ITGA8: variants seen among roughly 807,000 people sequenced by gnomAD.
ITGA8 encodes the protein integrin subunit alpha 8, also known as integrin alpha-8.
A neutral mutation model predicts 142.3 loss-of-function variants in ITGA8; 91 were observed. The ratio of observed to expected loss-of-function variants is 0.64; its 90% confidence interval spans 0.54 to 0.76. ITGA8 has a LOEUF of 0.76. Among genes scored for constraint, ITGA8 ranks in the 30% least tolerant of loss-of-function variants. The probability of loss-of-function intolerance (pLI) is 0.00; values close to 1 mark genes in which losing one functional copy is unlikely to be tolerated. For synonymous variants in ITGA8, 505 were observed against 485.2 expected (o/e 1.04, Z -0.54); for missense variants, 1,406 against 1,327.7 (o/e 1.06, Z -0.92).
chr10:15,691,195 G>C (rs1273380797), intron 2 of ITGA8, among the ~76,000 whole-genome samples: 1 of 152,180 alleles, frequency 6.6e-6, no homozygotes, highest in East Asian at 1.9e-4. Context: ...AAGATAACAA[G>C]TGTTGTGGAG....
At position 15,575,964 on chromosome 10, in the gene ITGA8, A is replaced by T. The variant is rs7477068; in HGVS notation, c.2373-370T>A. Reference sequence around the variant, plus strand: ...ACGTGTGTGTGTGTGTGTGTGTGTGAGTGTGTGTGTGTGTGTGTATGGGTT... The same window carrying T: ...ACGTGTGTGTGTGTGTGTGTGTGTGTGTGTGTGTGTGTGTGTGTATGGGTT... On this transcript the variant is annotated intron_variant, in intron 23 of 29. Transcript: ENST00000378076. 6.1e-3 allele frequency among the ~76,000 whole-genome samples: 870 copies of T among 142,516 alleles called. 6 individuals are homozygous for T. The highest frequency in any genetic ancestry group is 0.018 in the African/African-American group (717 of 39,330). 93.5% of individuals were successfully genotyped at this position (142,516 alleles called of 152,430 possible). A position where few individuals can be genotyped will look rare whatever the true frequency, so the allele number is the denominator to read the frequency against.
chr10:15,614,248 T>C (rs1321225944), intron 14 of ITGA8, among the ~76,000 whole-genome samples: 1 of 152,206 alleles, frequency 6.6e-6, no homozygotes, highest in Non-Finnish European at 1.5e-5. Context: ...AATTTTTAAA[T>C]TTCTGTTGAT....
intron 8 of ITGA8, among the ~76,000 whole-genome samples, chr10:15,668,126 G>A (rs978489735): frequency 2.8e-4 from 43 of 152,182 alleles, no homozygotes; most frequent in Non-Finnish European, 5.4e-4. Context: ...GGGTGTTAAA[G>A]TCTCCCATTA....
intron 2 of ITGA8, among the ~76,000 whole-genome samples, chr10:15,693,741 A>C (rs1483767870): frequency 6.6e-6 from 1 of 152,182 alleles, no homozygotes; most frequent in Non-Finnish European, 1.5e-5. Flanking sequence ...CTGAGAATAT[A>C]TTCCCCTTCT....
chr10:15,579,765 C>A (rs180733646), intron 23 of ITGA8, among the ~76,000 whole-genome samples: 1 of 152,074 alleles, frequency 6.6e-6, no homozygotes, highest in East Asian at 1.9e-4. Flanking sequence ...AAACAAGTCA[C>A]TTCCCATGAG....
chr10:15,536,282 C>T (rs1436828142), intron 27 of ITGA8, among the ~76,000 whole-genome samples: 3 of 152,056 alleles, frequency 2.0e-5, no homozygotes, highest in Non-Finnish European at 4.4e-5. Context: ...GTTTCTTCCA[C>T]CCTTGTTGGA....
Position 15,575,056 on chromosome 10 carries a change from G to A in ITGA8, c.2478+433C>T, listed in dbSNP as rs9333192. Among the ~76,000 whole-genome samples, 575 of 152,190 alleles carry A rather than the reference G, an allele frequency of 3.8e-3. 5 individuals carry two copies. Among genetic ancestry groups the A allele is most frequent in the African/African-American group, 0.013 (546 of 41,508 alleles). On this transcript the variant is annotated intron_variant, in intron 24 of 29. Coordinates refer to ENST00000378076, the MANE Select transcript of ITGA8 (RefSeq NM_003638.3). ...CCCACTACACCCCACTGCAGTATGA[G>A]AGCATAACAGCATGAACCTAGGCAG...
chr10:15,649,682 G>A (rs1024892104), intron 11 of ITGA8, among the ~76,000 whole-genome samples: 1 of 150,554 alleles, frequency 6.6e-6, no homozygotes, highest in Non-Finnish European at 1.5e-5. Context: ...TAGATGGCAA[G>A]CAAGCTTATC....
intron 23 of ITGA8, among the ~76,000 whole-genome samples, chr10:15,576,327 C>T (rs1297795179): frequency 6.6e-6 from 1 of 152,126 alleles, no homozygotes; most frequent in Non-Finnish European, 1.5e-5. Context: ...TTTCCTGCAA[C>T]GTACACCTAG....
intron 2 of ITGA8, among the ~76,000 whole-genome samples, chr10:15,689,186 G>A (rs4748194): frequency 0.78 from 118,545 of 152,142 alleles, 47,778 homozygotes; most frequent in Middle Eastern, 0.89. Flanking sequence ...ATTTACAATA[G>A]CATTTAAAAA....
chr10:15,681,312 T>C (rs948079496), intron 4 of ITGA8, among the ~76,000 whole-genome samples: 2 of 152,198 alleles, frequency 1.3e-5, no homozygotes, highest in Non-Finnish European at 2.9e-5. Context: ...ACGGGAAGTC[T>C]GCTTCTTGGA....
chr10:15,677,045 G>A (rs1834643204), intron 6 of ITGA8, among the ~76,000 whole-genome samples: 1 of 152,064 alleles, frequency 6.6e-6, no homozygotes, highest in Non-Finnish European at 1.5e-5. Context: ...AGTACAAATC[G>A]AAATGATGCT....
intron 27 of ITGA8, among the ~76,000 whole-genome samples, chr10:15,535,732 T>TG (rs1833417614): frequency 6.6e-6 from 1 of 151,982 alleles, no homozygotes; most frequent in Non-Finnish European, 1.5e-5. Flanking sequence ...AGGATGTGGG[T>TG]GGGGCCAGAT....
rs566834411 is a variant in ITGA8, at chr10:15,646,593, T to C, written c.1207+253A>G. On this transcript the variant is annotated intron_variant, in intron 12 of 29. Coordinates refer to ENST00000378076, the MANE Select transcript of ITGA8 (RefSeq NM_003638.3). ...ACAAATTATGTTACAGATTTTTCTC[T>C]GTGTTGCATTGTAATCTTGTGAGAT... Among the ~76,000 whole-genome samples, 51 of 152,340 alleles carry C rather than the reference T, an allele frequency of 3.3e-4. No homozygotes were observed. The South Asian group carries it at 0.011, about 32-fold the overall frequency.
intron 23 of ITGA8, among the ~76,000 whole-genome samples, chr10:15,584,118 G>A (rs1253705673): frequency 6.6e-6 from 1 of 152,054 alleles, no homozygotes; most frequent in Non-Finnish European, 1.5e-5. Context: ...CCAACATGGT[G>A]AAACCCCTTC....
chr10:15,530,949 C>G (rs372913478), intron 28 of ITGA8, 101 bp downstream of exon 28: 19 of 712,920 alleles, frequency 2.7e-5, no homozygotes, highest in African/African-American at 1.5e-4. Context: ...AAATTTTTCT[C>G]AAGTCAATGT....
chr10:15,702,885 A>G (rs992884801), intron 2 of ITGA8, among the ~76,000 whole-genome samples: 3 of 152,220 alleles, frequency 2.0e-5, no homozygotes, highest in Admixed American at 2.0e-4. Context: ...AGAACTGTAT[A>G]AGGTAGCAAG....
intron 25 of ITGA8, among the ~76,000 whole-genome samples, chr10:15,570,241 A>T (rs959872509): frequency 2.6e-5 from 4 of 152,222 alleles, no homozygotes; most frequent in African/African-American, 9.6e-5. Flanking sequence ...GTTTTAGGAA[A>T]ATGAACATAA....
At chr10:15,564,874 C>T (rs1588647327) in intron 25 of ITGA8, among the ~76,000 whole-genome samples, 1 of 152,228 alleles carries the variant, frequency 6.6e-6, no homozygotes, top group Admixed American at 6.5e-5. Context: ...GAAGTGGAGA[C>T]AAGCCCTGGG....
Sources: allele counts gnomAD v4.1 joint callset (sites outside exome capture counted in the v4.1 genomes callset), GRCh38; gene constraint gnomAD v4.1.1; transcripts MANE v1.5; gene names NCBI Gene and HGNC (gene_info 2026-07-23, HGNC 2026-07-21).